Variants in FRMD6 observed in about 807,000 individuals in gnomAD.
The protein encoded by FRMD6 is FERM domain containing 6.
A neutral mutation model predicts 73.2 loss-of-function variants in FRMD6; 37 were observed. That is an observed-to-expected ratio of 0.51 (90% CI 0.39 to 0.66). FRMD6 has a LOEUF of 0.66. Ranked by LOEUF, FRMD6 falls within the 30% of genes least tolerant of loss-of-function variation. The probability of loss-of-function intolerance (pLI) is 0.00; values close to 1 mark genes in which losing one functional copy is unlikely to be tolerated. For synonymous variants in FRMD6, 273 were observed against 282.2 expected, an observed-to-expected ratio of 0.97 and a Z score of 0.33; for missense variants, 714 against 780.5, an observed-to-expected ratio of 0.91 and a Z score of 1.02.
chr14:51,556,542 A>G (rs766717008), intron 1 of FRMD6, among the ~76,000 whole-genome samples: 9 of 151,838 alleles, frequency 5.9e-5, no homozygotes, highest in Non-Finnish European at 1.3e-4. Flanking sequence ...TTCCTCAGCA[A>G]CTCTTCCTTT....
At chr14:51,563,416 T>C (rs1219255023) in intron 1 of FRMD6, among the ~76,000 whole-genome samples, 2 of 152,158 alleles carry the variant, frequency 1.3e-5, no homozygotes, top group African/African-American at 4.8e-5. Flanking sequence ...ATGCTTGTAA[T>C]CCCAGCACTT....
chr14:51,415,287 TG>T, the FRMD6 span, among the ~76,000 whole-genome samples: 1 of 152,204 alleles, frequency 6.6e-6, no homozygotes, highest in African/African-American at 2.4e-5. Context: ...ATATTGGCTG[TG>T]GGTTTGTAAT....
intron 1 of FRMD6, among the ~76,000 whole-genome samples, chr14:51,683,334 G>A (rs1238534918): frequency 6.6e-6 from 1 of 152,044 alleles, no homozygotes; most frequent in Non-Finnish European, 1.5e-5. Context: ...CTGTGGCACA[G>A]TCATTGCTCA....
chr14:51,562,476 A>T (rs187549845), intron 1 of FRMD6, among the ~76,000 whole-genome samples: 1 of 152,342 alleles, frequency 6.6e-6, no homozygotes, highest in African/African-American at 2.4e-5. Context: ...CTCTGATGCC[A>T]AAGTAGTTCA....
chr14:51,609,368 T>A (rs988576196), intron 2 of FRMD6, among the ~76,000 whole-genome samples: 4 of 152,172 alleles, frequency 2.6e-5, no homozygotes, highest in Non-Finnish European at 5.9e-5. Flanking sequence ...CACAGACAAG[T>A]AGAAGAGAGC....
chr14:51,688,861 AG>A (rs1487047907), intron 1 of FRMD6, among the ~76,000 whole-genome samples: 1 of 152,220 alleles, frequency 6.6e-6, no homozygotes, highest in African/African-American at 2.4e-5. Flanking sequence ...TGAAAATTGG[AG>A]ATAAAATTTC....
chr14:51,442,608 G>T, the FRMD6 span, among the ~76,000 whole-genome samples: 15,323 of 152,096 alleles, frequency 0.1, 1,013 homozygotes, highest in South Asian at 0.27. Context: ...CTCTTACCCT[G>T]CTCCCCACAT....
chr14:51,461,182 A>G, the FRMD6 span, among the ~76,000 whole-genome samples: 3 of 152,320 alleles, frequency 2.0e-5, no homozygotes, highest in East Asian at 3.9e-4. Flanking sequence ...GACATGTGCT[A>G]TTTAAAGAAT....
chr14:51,490,788 A>G (rs1882959318), intron 1 of FRMD6, among the ~76,000 whole-genome samples: 1 of 152,172 alleles, frequency 6.6e-6, no homozygotes, highest in African/African-American at 2.4e-5. Flanking sequence ...ACCTACTATA[A>G]AAATATGTAT....
intron 1 of FRMD6, among the ~76,000 whole-genome samples, chr14:51,532,705 C>A (rs1465048574): frequency 6.6e-6 from 1 of 152,218 alleles, no homozygotes; most frequent in Non-Finnish European, 1.5e-5. Context: ...CAACCACCTA[C>A]ATTGACTGAA....
At chr14:51,611,482 T>G (rs1039352127) in intron 2 of FRMD6, among the ~76,000 whole-genome samples, 2 of 152,120 alleles carry the variant, frequency 1.3e-5, no homozygotes, top group Non-Finnish European at 2.9e-5. Flanking sequence ...TAGTCTGGAG[T>G]GTAACCTGGG....
At chr14:51,448,392 C>A in the FRMD6 span, among the ~76,000 whole-genome samples, 1 of 152,180 alleles carries the variant, frequency 6.6e-6, no homozygotes, top group Non-Finnish European at 1.5e-5. Context: ...GTGTCTAATT[C>A]CATACATTAA....
intron 9 of FRMD6, chr14:51,713,685 G>C (rs1022853528): frequency 1.3e-5 from 2 of 152,088 alleles, no homozygotes; most frequent in African/African-American, 2.4e-5. Context: ...GTCAAAAGAT[G>C]TGTTTCTGAC....
At chr14:51,461,235 A>G in the FRMD6 span, among the ~76,000 whole-genome samples, 3 of 152,336 alleles carry the variant, frequency 2.0e-5, no homozygotes, top group Middle Eastern at 3.4e-3. Context: ...AGTTGTCTGC[A>G]GTTTAATTTT....
Position 51,536,093 on chromosome 14 carries a change from T to TAGAGAG in FRMD6, c.-209-34254_-209-34253insGAGAGA, listed in dbSNP as rs199698272. Among the ~76,000 whole-genome samples, 156 of 139,396 alleles carry TAGAGAG rather than the reference T, an allele frequency of 1.1e-3. 1 individual carries two copies. The highest frequency in any genetic ancestry group is 4.4e-3 in the South Asian group (19 of 4,316). 91.4% of individuals were successfully genotyped at this position (139,396 alleles called of 152,430 possible). A position where few individuals can be genotyped will look rare whatever the true frequency, so the allele number is the denominator to read the frequency against. ...TATATATATTTTATATATATATATA[T>TAGAGAG]ATATAGAGAGAGAGAGAGAGAAACA... On this transcript the variant is annotated intron_variant, in intron 1 of 14. Transcript: ENST00000356218.
intron 2 of FRMD6, among the ~76,000 whole-genome samples, chr14:51,644,265 T>C (rs573016420): frequency 1.6e-4 from 25 of 152,218 alleles, no homozygotes; most frequent in African/African-American, 5.3e-4. Flanking sequence ...CATCAATACC[T>C]GAGATATCCG....
chr14:51,531,900 GTTAA>G (rs1366099122), intron 1 of FRMD6, among the ~76,000 whole-genome samples: 1 of 152,206 alleles, frequency 6.6e-6, no homozygotes, highest in Non-Finnish European at 1.5e-5. Context: ...CTGAGTATCA[GTTAA>G]TTTTTATTGC....
chr14:51,594,600 A>G (rs1265611388), intron 2 of FRMD6, among the ~76,000 whole-genome samples: 1 of 152,120 alleles, frequency 6.6e-6, no homozygotes, highest in African/African-American at 2.4e-5. Context: ...AAGTGCTGAG[A>G]TTACAGGTGT....
Position 51,720,339 on chromosome 14 carries a change from G to T in FRMD6, c.1309G>T (p.Gly437Trp). ...CAGTCATGGCAGCTCCCACACCTCA[G>T]GGGTGGAGAGTGGCGGCAAAGACCG... ...MTSHGSSHTS[G>W]VESGGKDRLE... is the part of the protein sequence containing the mutation. The change falls in exon 11 of 14, where the codon GGG (glycine) becomes TGG (tryptophan). Residue 437 changes from glycine to tryptophan, a missense_variant. Physicochemically the swap from Gly to Trp is radical, Grantham distance 184. Transcript: ENST00000344768. 2 of 1,613,858 alleles carry T rather than the reference G, an allele frequency of 1.2e-6. No homozygotes were observed. Among genetic ancestry groups the T allele is most frequent in the Non-Finnish European group, 1.7e-6 (2 of 1,180,030 alleles).
Sources: allele counts gnomAD v4.1 joint callset (sites outside exome capture counted in the v4.1 genomes callset), GRCh38; gene constraint gnomAD v4.1.1; transcripts MANE v1.5; gene names NCBI Gene and HGNC (gene_info 2026-07-23, HGNC 2026-07-21).